The following WDR72 variants were observed in gnomAD, a reference collection of about 807,000 sequenced individuals.
The protein encoded by WDR72 is WD repeat domain 72.
In WDR72, 120 loss-of-function variants were observed where a neutral mutation model predicts 124.2. That is an observed-to-expected ratio of 0.97 (90% confidence interval 0.83 to 1.12). WDR72 has a LOEUF of 1.12. WDR72 is among the 50% of genes most tolerant of loss of function. The pLI is 0.00. For missense variants in WDR72, 1,387 were observed against 1,278.8 expected (o/e 1.08, Z -1.29); for synonymous variants, 452 against 441.7 (o/e 1.02, Z -0.29).
At chr15:53,759,018 T>C (rs1268883191) in intron 1 of WDR72, among the ~76,000 whole-genome samples, 1 of 151,832 alleles carries the variant, frequency 6.6e-6, no homozygotes. Flanking sequence ...GGGGCAAAAG[T>C]CTTGTCCCCG....
intron 2 of WDR72, 93 bp from the exon 3 acceptor site, chr15:53,723,001 TTC>T: frequency 8.1e-7 from 1 of 1,232,900 alleles, no homozygotes; most frequent in Non-Finnish European, 1.2e-6. Context: ...GATTAGGAAA[TTC>T]TGTTGTTTTT....
chr15:53,682,510 T>A (rs960965432), intron 13 of WDR72, among the ~76,000 whole-genome samples: 1 of 152,146 alleles, frequency 6.6e-6, no homozygotes, highest in Non-Finnish European at 1.5e-5. Context: ...GTATTTTTGC[T>A]CTGATTTTTT....
chr15:53,585,300 A>G (rs2012143076), intron 18 of WDR72, among the ~76,000 whole-genome samples: 1 of 152,000 alleles, frequency 6.6e-6, no homozygotes, highest in Non-Finnish European at 1.5e-5. Context: ...GAGAAGCGCA[A>G]GCAGGGGAAA....
Position 53,613,717 on chromosome 15 carries a change from C to T in WDR72, c.2821G>A (p.Ala941Thr), listed in dbSNP as rs1262687358. 1 of 1,610,958 alleles carries T rather than the reference C, an allele frequency of 6.2e-7. No individual in the cohort carries two copies. Among genetic ancestry groups the T allele is most frequent in the Admixed American group, 1.7e-5 (1 of 59,866 alleles). ...GACATATTTAAAATGTCATTCCCAG[C>T]ACCTCTCATCTTATTATGTATACTT... ...MESIHNKMRGAGNDILNMSSF... is the reference protein window; with the variant it reads ...MESIHNKMRGTGNDILNMSSF... The change falls in exon 16 of 20, where the codon GCT becomes ACT. Residue 941 changes from alanine to threonine, a missense_variant. Ala to Thr is a moderately conservative substitution (Grantham distance 58). Coordinates refer to ENST00000360509, the MANE Select transcript of WDR72 (RefSeq NM_182758.4).
At chr15:53,537,672 T>G (rs1892833351) in intron 18 of WDR72, among the ~76,000 whole-genome samples, 1 of 152,174 alleles carries the variant, frequency 6.6e-6, no homozygotes, top group South Asian at 2.1e-4. Context: ...ATGTAGACAG[T>G]CTAAGTAAAT....
At chr15:53,605,937 A>C (rs1248426093) in intron 17 of WDR72, among the ~76,000 whole-genome samples, 1 of 152,230 alleles carries the variant, frequency 6.6e-6, no homozygotes, top group African/African-American at 2.4e-5. Flanking sequence ...AGCAATACTC[A>C]TTTCCATTTT....
chr15:53,586,641 T>C (rs901281020), intron 18 of WDR72, among the ~76,000 whole-genome samples: 4 of 152,056 alleles, frequency 2.6e-5, no homozygotes, highest in African/African-American at 9.7e-5. Flanking sequence ...CAGTAACATA[T>C]ACTCTTCATT....
rs142041859 is a variant in WDR72, at chr15:53,752,579, C to T, written c.-13+7054G>A. On this transcript the variant is annotated intron_variant, in intron 1 of 19. Transcript: ENST00000360509. ...TCGTCTCACCCTCAGAAGGAACCAA[C>T]CCTGCTGACACTGTGATTTCAGACC... is the stretch of plus-strand genomic sequence containing the variant. Among the ~76,000 whole-genome samples, 87 of 152,270 alleles carry T rather than the reference C, an allele frequency of 5.7e-4. 2 individuals are homozygous for T. Among genetic ancestry groups the T allele is most frequent in the African/African-American group, 2.0e-3 (82 of 41,560 alleles).
intron 18 of WDR72, among the ~76,000 whole-genome samples, chr15:53,577,923 T>A (rs1201229798): frequency 6.6e-6 from 1 of 152,172 alleles, no homozygotes; most frequent in Admixed American, 6.5e-5. Context: ...TAATATTGGT[T>A]TGCTTTGTTA....
At chr15:53,745,241 C>G (rs919642331) in intron 1 of WDR72, among the ~76,000 whole-genome samples, 1 of 152,066 alleles carries the variant, frequency 6.6e-6, no homozygotes, top group South Asian at 2.1e-4. Flanking sequence ...TGTTCATAAT[C>G]AGCACTCAGC....
At chr15:53,525,593 T>C (rs1231678283) in intron 18 of WDR72, among the ~76,000 whole-genome samples, 1 of 152,064 alleles carries the variant, frequency 6.6e-6, no homozygotes, top group East Asian at 1.9e-4. Flanking sequence ...CCATTCTTTG[T>C]GGCAATAAAG....
intron 2 of WDR72, among the ~76,000 whole-genome samples, chr15:53,726,264 G>GTGTATATATA (rs1555428779): frequency 4.5e-5 from 5 of 110,354 alleles, no homozygotes; most frequent in African/African-American, 2.3e-4. Flanking sequence ...ATGTATGTGT[G>GTGTATATATA]TATATATATA....
intron 7 of WDR72, 105 bp downstream of exon 7, chr15:53,712,667 T>C: frequency 8.6e-7 from 1 of 1,162,634 alleles, no homozygotes; most frequent in East Asian, 2.6e-5. Context: ...GGTAATACTA[T>C]TACAGAGAAT....
intron 18 of WDR72, among the ~76,000 whole-genome samples, chr15:53,552,695 A>C (rs1415342707): frequency 1.3e-5 from 2 of 152,182 alleles, no homozygotes; most frequent in African/African-American, 4.8e-5. Context: ...TTGGATAATG[A>C]AAAACCTGTA....
At chr15:53,748,028 C>A (rs2018685064) in intron 1 of WDR72, among the ~76,000 whole-genome samples, 1 of 150,768 alleles carries the variant, frequency 6.6e-6, no homozygotes, top group Admixed American at 6.6e-5. Context: ...CAAAAAATAC[C>A]ATTGTCCTAG....
In WDR72 at chr15:53,701,438, G is replaced by A. The variant is rs368177661; in HGVS notation, c.1569+696C>T. Among the ~76,000 whole-genome samples, 38 of 152,086 alleles carry A rather than the reference G, an allele frequency of 2.5e-4. 1 individual carries two copies. The East Asian group carries it at 7.4e-3, about 30-fold the overall frequency. On this transcript the variant is annotated intron_variant, in intron 12 of 19. Transcript: ENST00000360509. ...TGCCTGTAGTCCCAGCTACTTGGGAGGCTGAGGCAGGAGGATCCCTGGAGC... is the reference window on the plus strand; with the variant it reads ...TGCCTGTAGTCCCAGCTACTTGGGAAGCTGAGGCAGGAGGATCCCTGGAGC...
chr15:53,645,845 C>G (rs1482061079), intron 14 of WDR72, among the ~76,000 whole-genome samples: 2 of 152,046 alleles, frequency 1.3e-5, no homozygotes, highest in African/African-American at 4.8e-5. Context: ...CTAGATTAAC[C>G]TTAAGTAGGA....
intron 13 of WDR72, among the ~76,000 whole-genome samples, chr15:53,696,683 T>A (rs2017013224): frequency 6.6e-6 from 1 of 152,186 alleles, no homozygotes; most frequent in South Asian, 2.1e-4. Context: ...AAAACAGAAA[T>A]CAAGTGCAGT....
chr15:53,615,322 A>C (rs1162844016), intron 15 of WDR72, 104 bp downstream of exon 15: 1 of 897,434 alleles, frequency 1.1e-6, no homozygotes, highest in Non-Finnish European at 1.7e-6. Flanking sequence ...CTTACCCCCC[A>C]CTGGAAAGAA....
Sources: allele counts gnomAD v4.1 joint callset (sites outside exome capture counted in the v4.1 genomes callset), GRCh38; gene constraint gnomAD v4.1.1; transcripts MANE v1.5; gene names NCBI Gene and HGNC (gene_info 2026-07-23, HGNC 2026-07-21).